The following BAG6 variants were observed in gnomAD, a reference collection of about 807,000 sequenced individuals.
The protein encoded by BAG6 is BAG cochaperone 6.
A neutral mutation model predicts 121.0 loss-of-function variants in BAG6; 22 were observed. The ratio of observed to expected loss-of-function variants is 0.18; its 90% CI spans 0.13 to 0.26. The LOEUF (loss-of-function observed/expected upper bound fraction) is 0.26. Ranked by LOEUF, BAG6 falls within the 10% of genes least tolerant of loss-of-function variation. BAG6 has a pLI of 1.00. For missense variants in BAG6, 1,233 were observed against 1,537.7 expected, an observed-to-expected ratio of 0.80 and a Z score of 3.31; for synonymous variants, 583 against 584.6, an observed-to-expected ratio of 1.00 and a Z score of 0.04.
intron 24 of BAG6, 58 bp from the exon 25 acceptor site, chr6:31,639,704 T>TC: frequency 6.4e-7 from 1 of 1,553,940 alleles, no homozygotes; most frequent in Non-Finnish European, 8.7e-7. Context: ...AGTGCCACCA[T>TC]CCGGCTCACC....
intron 14 of BAG6, among the ~76,000 whole-genome samples, 189 bp downstream of exon 14, chr6:31,643,701 A>C (rs1785287242): frequency 7.1e-6 from 1 of 141,158 alleles, no homozygotes. Flanking sequence ...CCAGCCTAGC[A>C]ACAGAGTGAG....
At chr6:31,648,424 C>T (rs1792547511) in intron 6 of BAG6, among the ~76,000 whole-genome samples, 1 of 152,090 alleles carries the variant, frequency 6.6e-6, no homozygotes, top group East Asian at 1.9e-4. Context: ...AGAGTAGAAT[C>T]CTTTAATTGA....
chr6:31,642,160 G>A lies in BAG6; in HGVS notation c.2287C>T (p.Leu763Phe), dbSNP rs772057792. 2 of 1,612,828 alleles carry A rather than the reference G, an allele frequency of 1.2e-6. No homozygotes were observed. Among genetic ancestry groups the A allele is most frequent in the African/African-American group, 1.3e-5 (1 of 74,894 alleles). Residue 763 changes from leucine to phenylalanine, a missense_variant, in exon 16 of 26, where the codon CTC (leucine) becomes TTC (phenylalanine). Physicochemically the swap from Leu to Phe is conservative, Grantham distance 22. This residue lies in a region of BAG6 where 288 missense variants were observed against 483.1 expected (regional missense o/e 0.60). Transcript: ENST00000676615. ...TCAAAGATGTTGCTGGATCCACTGAGGCGTTGTATGAAGGCAGCAATACTT... is the reference window on the plus strand; with the variant it reads ...TCAAAGATGTTGCTGGATCCACTGAAGCGTTGTATGAAGGCAGCAATACTT... ...SESIAAFIQR[L>F]SGSSNIFEPG...
At chr6:31,642,057 T>C in intron 16 of BAG6, 55 bp downstream of exon 16, 6 of 1,596,786 alleles carry the variant, frequency 3.8e-6, no homozygotes, top group Non-Finnish European at 5.1e-6. Flanking sequence ...CAAGGCCATC[T>C]ACATTCCTCT....
At chr6:31,639,675 G>A (rs760843472) in intron 24 of BAG6, 29 bp from the exon 25 acceptor site, 13 of 1,586,592 alleles carry the variant, frequency 8.2e-6, no homozygotes, top group Non-Finnish European at 1.1e-5. Context: ...GGAGGGAAAA[G>A]AGGATCAACG....
rs765608248 is a variant in BAG6 at position 31,640,387 on chromosome 6, G to C, written c.3136C>G (p.Pro1046Ala). ...CTGGATTACTTCCTGACACTTACTG[G>C]GGGGACTGCAGCTGCCCAAGGTTCT... Reference protein sequence around the residue: ...ETEPWAAAVPPEWVPIIQQDI... With the variant: ...ETEPWAAAVPAEWVPIIQQDI... Residue 1046 changes from proline (P) to alanine (A), a missense_variant and splice_region_variant, in exon 23 of 26, where the codon CCA becomes GCA. Around this residue, in one of 7 missense-constraint regions of BAG6, gnomAD observed 288 missense variants for 483.1 expected, o/e 0.60. Transcript: ENST00000676615. The surrounding 1 kb of genome is among the most constrained non-coding windows in gnomAD (Gnocchi z 4.2). 2 of 1,614,166 alleles carry C rather than the reference G, an allele frequency of 1.2e-6. No individual in the cohort carries two copies. The highest frequency in any genetic ancestry group is 1.6e-4 in the Middle Eastern group (1 of 6,062).
Position 31,649,291 on chromosome 6 carries a change from C to T in BAG6, c.331G>A (p.Gly111Arg). ...CCCCGAGTACCAGGGGGGGATCCCC[C>T]ACCATGAGTGGCTGAGGCAGACCCC... ...GTGSASATHG[G>R]GSPPGTRGPG... The change falls in exon 4 of 26, where the codon GGG (glycine) becomes AGG (arginine). Residue 111 changes from glycine (G) to arginine (R), a missense_variant. Physicochemically the swap from Gly to Arg is moderately radical, Grantham distance 125. Around this residue, in one of 7 missense-constraint regions of BAG6, gnomAD observed 777 missense variants for 861.4 expected, o/e 0.90. Transcript: ENST00000676615. 6.2e-7 allele frequency: 1 copy of T among 1,613,274 alleles called. No homozygotes were observed. The highest frequency in any genetic ancestry group is 8.5e-7 in the Non-Finnish European group (1 of 1,180,000).
Position 31,648,685 on chromosome 6 carries a change from G to C in BAG6, c.544C>G (p.Arg182Gly). Residue 182 changes from arginine to glycine, a missense_variant, in exon 6 of 26, where the codon CGG becomes GGG. Coordinates refer to ENST00000676615, the MANE Select transcript of BAG6 (RefSeq NM_001387994.1). Reference protein sequence around the residue: ...MIRDIQTLLSRMECRGGPQPQ... With the variant: ...MIRDIQTLLSGMECRGGPQPQ... ...CAGCCTTGCCCACTTACCTCCATCCGGGATAGTAAGGTCTGTATATCCCTG... is the reference window on the plus strand; with the variant it reads ...CAGCCTTGCCCACTTACCTCCATCCCGGATAGTAAGGTCTGTATATCCCTG... 4 of 1,613,888 alleles carry C rather than the reference G, an allele frequency of 2.5e-6. No homozygotes were observed. Among genetic ancestry groups the C allele is most frequent in the Non-Finnish European group, 3.4e-6 (4 of 1,179,960 alleles).
intron 8 of BAG6, 38 bp downstream of exon 8, chr6:31,646,356 G>A (rs758647525): frequency 5.6e-6 from 9 of 1,603,800 alleles, no homozygotes; most frequent in Non-Finnish European, 7.7e-6. Flanking sequence ...GGGAGTACTG[G>A]GGCTGAGGAG....
rs562448466 is a variant in BAG6, at chr6:31,642,625, A to G, written c.2043+204T>C. On this transcript the variant is annotated intron_variant, in intron 15 of 25. Coordinates refer to ENST00000676615, the MANE Select transcript of BAG6 (RefSeq NM_001387994.1). Reference sequence around the variant, plus strand: ...GAACAGGCTGTCAGAAAGCAGTGACACTAATTACTATACTTTCTTTTTCTA... The same window carrying G: ...GAACAGGCTGTCAGAAAGCAGTGACGCTAATTACTATACTTTCTTTTTCTA... 6 of 699,256 alleles carry G rather than the reference A, an allele frequency of 8.6e-6. No homozygotes were observed. In the South Asian group the frequency reaches 1.2e-4, roughly 13 times the overall value. The allele number at this position is 699,256 out of a possible 1,614,324, so 43.3% of individuals were successfully genotyped here.
At position 31,640,835 on chromosome 6, in the gene BAG6, T is replaced by C; in HGVS notation, c.2891A>G (p.Asp964Gly). ...CCTGCGAACGTATCTGAGAATGGCA[T>C]CAGGGCCTACAGGCATGTGCTCCAG... ...VVLEHMPVGP[D>G]AILRYVRRVG... The change falls in exon 21 of 26, where the codon GAT (aspartate) becomes GGT (glycine). Residue 964 changes from aspartate (D) to glycine (G), a missense_variant. Asp to Gly is a moderately conservative substitution (Grantham distance 94). Transcript: ENST00000676615. This position sits in a 1 kb window ranked among gnomAD's most constrained non-coding sequence, Gnocchi z 4.2. 1.2e-6 allele frequency: 2 copies of C among 1,612,654 alleles called. No individual in the cohort carries two copies. The highest frequency in any genetic ancestry group is 1.7e-6 in the Non-Finnish European group (2 of 1,180,018).
chr6:31,643,428 A>AT (rs1784945625), intron 14 of BAG6, among the ~76,000 whole-genome samples: 2 of 151,762 alleles, frequency 1.3e-5, no homozygotes, highest in Admixed American at 1.3e-4. Flanking sequence ...ACTTAAAAAA[A>AT]AAAGAAAAAA....
intron 24 of BAG6, 40 bp from the exon 25 acceptor site, chr6:31,639,686 T>C: frequency 6.3e-7 from 1 of 1,576,390 alleles, no homozygotes; most frequent in Non-Finnish European, 8.6e-7. Flanking sequence ...AGGATCAACG[T>C]CAGATCCAGT....
At chr6:31,648,835 C>T in intron 5 of BAG6, 76 bp downstream of exon 5, 1 of 1,591,298 alleles carries the variant, frequency 6.3e-7, no homozygotes, top group South Asian at 1.1e-5. Flanking sequence ...CCAGCCATCT[C>T]TCAGCCAGGT....
Position 31,640,676 on chromosome 6 carries a change from T to C in BAG6, c.2963A>G (p.Gln988Arg), listed in dbSNP as rs1167598903. ...CTCAGGGGAAGCTCTTTCTGCTCCC[T>C]GAACTTCCATTGGCTCCTCAGGAAG... is the stretch of plus-strand genomic sequence containing the variant. ...QPLPEEPMEV[Q>R]GAERASPEPQ... is the part of the protein sequence containing the mutation. The change falls in exon 22 of 26, where the codon CAG becomes CGG. Residue 988 changes from glutamine to arginine, a missense_variant. Physicochemically the swap from Gln to Arg is conservative, Grantham distance 43. Around this residue, in one of 7 missense-constraint regions of BAG6, gnomAD observed 288 missense variants for 483.1 expected, o/e 0.60. Transcript: ENST00000676615. This position sits in a 1 kb window ranked among gnomAD's most constrained non-coding sequence, Gnocchi z 4.2. 8.7e-6 allele frequency: 14 copies of C among 1,612,928 alleles called. No homozygotes were observed. Among genetic ancestry groups the C allele is most frequent in the Non-Finnish European group, 1.1e-5 (13 of 1,180,012 alleles).
chr6:31,639,334 A>G (rs743400), intron 25 of BAG6, 108 bp from the exon 26 acceptor site: 88,234 of 1,434,778 alleles, frequency 0.061, 3,534 homozygotes, highest in African/African-American at 0.14. Flanking sequence ...CCCCAAGCAC[A>G]CTGTCAAATA....
rs1791360480 is a variant in BAG6 at position 31,647,699 on chromosome 6, G to A, written c.680C>T (p.Pro227Leu). 5 of 1,603,462 alleles carry A rather than the reference G, an allele frequency of 3.1e-6. No individual in the cohort carries two copies. The highest frequency in any genetic ancestry group is 4.3e-6 in the Non-Finnish European group (5 of 1,176,398). ...CTCCTCCACTTCTTCTGCCTCCATG[G>A]GCTCCCGGGGAGGTGCTTCACTTTC... ...PVESEAPPRE[P>L]MEAEEVEERA... The change falls in exon 7 of 26, where the codon CCC (proline) becomes CTC (leucine). Residue 227 changes from proline (P) to leucine (L), a missense_variant. Physicochemically the swap from Pro to Leu is moderately conservative, Grantham distance 98 (BLOSUM62 -3). Transcript: ENST00000676615.
intron 15 of BAG6, 161 bp from the exon 16 acceptor site, chr6:31,642,564 A>G (rs1165720220): frequency 3.0e-5 from 19 of 629,386 alleles, no homozygotes; most frequent in Non-Finnish European, 5.2e-5. Context: ...GGTATTTAAC[A>G]GAGTCAGGCA....
chr6:31,642,482 G>A, intron 15 of BAG6, 79 bp from the exon 16 acceptor site: 1 of 710,154 alleles, frequency 1.4e-6, no homozygotes, highest in South Asian at 1.8e-5. Context: ...CATCAAGAGG[G>A]CACAAACCAA....
Sources: gnomAD v4.1 joint callset for allele counts (sites outside exome capture counted in the v4.1 genomes callset) on GRCh38, gnomAD v4.1.1 for gene constraint, gnomAD v4.1.1 regional missense constraint, Gnocchi (gnomAD v3.1) non-coding constraint, MANE v1.5 for transcripts, NCBI Gene and HGNC (gene_info 2026-07-23, HGNC 2026-07-21) for gene names.